Variants in CAD observed in about 807,000 individuals in gnomAD.
The protein encoded by CAD is multifunctional protein CAD.
Under a neutral mutation model 237.2 loss-of-function variants are expected in CAD, and 81 were observed. The ratio of observed to expected loss-of-function variants is 0.34; its 90% CI spans 0.29 to 0.41. The LOEUF is 0.41. Ranked by LOEUF, CAD falls within the 10% of genes least tolerant of loss-of-function variation. The pLI, the probability that CAD is intolerant of heterozygous loss-of-function variation, is 1.00. For synonymous variants in CAD, 1,196 were observed against 1,162.8 expected, an observed-to-expected ratio of 1.03 and a Z score of -0.58; for missense variants, 2,181 against 2,951.7, an observed-to-expected ratio of 0.74 and a Z score of 6.05.
rs1307069866 is a variant in CAD, at chr2:27,236,419, C to T, written c.4210C>T (p.Arg1404Cys). Residue 1404 changes from arginine (R) to cysteine (C), a missense_variant, in exon 26 of 44, where the codon CGT becomes TGT. Around this residue, in one of 12 missense-constraint regions of CAD, gnomAD observed 306 missense variants for 607.9 expected, o/e 0.50. Coordinates refer to ENST00000264705, the MANE Select transcript of CAD (RefSeq NM_004341.5). The surrounding 1 kb of genome is among the most constrained non-coding windows in gnomAD (Gnocchi z 4.1). ...GTCAATGCGTGGAGCTGGGGGCCGG[C>T]GTCTCTCTTCCTTTGTCACCAAGGG... ...NLSMRGAGGR[R>C]LSSFVTKGYR... The T allele has an allele frequency of 6.2e-7, 1 of 1,614,162 alleles. No homozygotes were observed. Among genetic ancestry groups the T allele is most frequent in the Non-Finnish European group, 8.5e-7 (1 of 1,180,026 alleles).
chr2:27,241,866 G>C lies in CAD; in HGVS notation c.5884-45G>C, dbSNP rs1275381072. On this transcript the variant is annotated intron_variant, in intron 38 of 43. Coordinates refer to ENST00000264705, the MANE Select transcript of CAD (RefSeq NM_004341.5). The surrounding 1 kb of genome is among the most constrained non-coding windows in gnomAD (Gnocchi z 4.6). ...GTGGTGCCTAGCTGGGGTTTCCCCA[G>C]GGTGGACACGCATACGTACACCTTC... 1 of 1,528,186 alleles carries C rather than the reference G, an allele frequency of 6.5e-7. No homozygotes were observed. Among genetic ancestry groups the C allele is most frequent in the Non-Finnish European group, 9.0e-7 (1 of 1,107,244 alleles). The allele number at this position is 1,528,186 out of a possible 1,614,324, so 94.7% of individuals were successfully genotyped here. A position where few individuals can be genotyped will look rare whatever the true frequency, so the allele number is the denominator to read the frequency against.
chr2:27,222,807 A>C (rs1397610646), intron 5 of CAD, 59 bp from the exon 6 acceptor site: 3 of 1,587,864 alleles, frequency 1.9e-6, no homozygotes, highest in Non-Finnish European at 1.7e-6. Flanking sequence ...GGGGGGCTGC[A>C]GGTGTGTCTC....
Position 27,235,638 on chromosome 2 carries a change from A to G in CAD, c.4072A>G (p.Lys1358Glu). 6.2e-7 allele frequency: 1 copy of G among 1,613,832 alleles called. No individual in the cohort carries two copies. Among genetic ancestry groups the G allele is most frequent in the Non-Finnish European group, 8.5e-7 (1 of 1,179,736 alleles). The change falls in exon 25 of 44, where the codon AAG (lysine) becomes GAG (glutamate). Residue 1358 changes from lysine (K) to glutamate (E), a missense_variant and splice_region_variant. By Grantham distance (56) the Lys-to-Glu change is moderately conservative. Transcript: ENST00000264705. This position sits in a 1 kb window ranked among gnomAD's most constrained non-coding sequence, Gnocchi z 5.2. ...TGACTTCTACACTGAGCATGGCGTCAAGGTGCAGGAACTCTGGCAACCTAC... is the reference window on the plus strand; with the variant it reads ...TGACTTCTACACTGAGCATGGCGTCGAGGTGCAGGAACTCTGGCAACCTAC... The part of the protein sequence containing the change: ...TADFYTEHGV[K>E]VTAVDWHFEE...
Position 27,231,598 on chromosome 2 carries a change from C to T in CAD, c.2400+18C>T. 1.4e-6 allele frequency: 2 copies of T among 1,441,158 alleles called. No homozygotes were observed. Among genetic ancestry groups the T allele is most frequent in the Non-Finnish European group, 2.0e-6 (2 of 1,023,014 alleles). The allele number at this position is 1,441,158 out of a possible 1,614,324, so 89.3% of individuals were successfully genotyped here. On this transcript the variant is annotated intron_variant, in intron 16 of 43. Coordinates refer to ENST00000264705, the MANE Select transcript of CAD (RefSeq NM_004341.5). Reference sequence around the variant, plus strand: ...GCGATATGGTAAGTAGCTCCCCTCCCCTGGCAATACCCCTAAAATAGACCC... The same window carrying T: ...GCGATATGGTAAGTAGCTCCCCTCCTCTGGCAATACCCCTAAAATAGACCC...
At position 27,239,930 on chromosome 2, in the gene CAD, G is replaced by T. The variant is rs1676218399; in HGVS notation, c.5496+132G>T. The T allele has an allele frequency of 2.9e-6, 2 of 689,676 alleles. No individual in the cohort carries two copies. The highest frequency in any genetic ancestry group is 2.4e-6 in the Non-Finnish European group (1 of 425,470). 42.7% of individuals were successfully genotyped at this position (689,676 alleles called of 1,614,324 possible). On this transcript the variant is annotated intron_variant, in intron 34 of 43. Transcript: ENST00000264705. This position sits in a 1 kb window ranked among gnomAD's most constrained non-coding sequence, Gnocchi z 4.0. ...GGGACTGAATTTGAAGTGGGGTTGGGTCAATTATTTTTTTAAAATGCTGGG... is the reference window on the plus strand; with the variant it reads ...GGGACTGAATTTGAAGTGGGGTTGGTTCAATTATTTTTTTAAAATGCTGGG...
Position 27,223,686 on chromosome 2 carries a change from C to G in CAD, c.933C>G (p.Leu311=), listed in dbSNP as rs1481426646. 1.4e-5 allele frequency: 23 copies of G among 1,614,206 alleles called. No homozygotes were observed. Among genetic ancestry groups the G allele is most frequent in the Non-Finnish European group, 1.9e-5 (23 of 1,180,038 alleles). ...TDSLPADWAP[L]FTNANDGSNE... is the part of the protein sequence containing the mutation. ...CACTGCCAGCAGACTGGGCTCCTCT[C>G]TTCACCAACGCCAATGATGGTTCCA... The change falls in exon 7 of 44, where the codon CTC becomes CTG. Residue 311 remains leucine (L), a synonymous_variant. Transcript: ENST00000264705.
Position 27,234,649 on chromosome 2 carries a change from G to A in CAD, c.3750G>A (p.Val1250=). 1 of 1,614,132 alleles carries A rather than the reference G, an allele frequency of 6.2e-7. No individual in the cohort carries two copies. Among genetic ancestry groups the A allele is most frequent in the East Asian group, 2.2e-5 (1 of 44,882 alleles). The part of the protein sequence containing the change: ...RVIMGEEVEP[V]GLMTGSGVVG... ...TCATGGGGGAAGAAGTGGAACCTGTGGGGCTAATGACTGGTTCTGGAGTCG... is the reference window on the plus strand; with the variant it reads ...TCATGGGGGAAGAAGTGGAACCTGTAGGGCTAATGACTGGTTCTGGAGTCG... The change falls in exon 23 of 44, where the codon GTG becomes GTA. Residue 1250 remains valine, a synonymous_variant. Transcript: ENST00000264705.
At chr2:27,231,878 C>T in intron 16 of CAD, 102 bp from the exon 17 acceptor site, 8 of 1,411,672 alleles carry the variant, frequency 5.7e-6, no homozygotes, top group South Asian at 5.1e-5. Flanking sequence ...AGCCTGTGCT[C>T]TGGTGTACAG....
At chr2:27,222,772 T>C in intron 5 of CAD, 94 bp from the exon 6 acceptor site, 1 of 1,573,416 alleles carries the variant, frequency 6.4e-7, no homozygotes, top group Non-Finnish European at 8.7e-7. Flanking sequence ...AGATAGACAT[T>C]GGGACTTAAC....
At chr2:27,231,655 T>C in intron 16 of CAD, 75 bp downstream of exon 16, 1 of 901,340 alleles carries the variant, frequency 1.1e-6, no homozygotes, top group Admixed American at 2.1e-5. Flanking sequence ...CATGAGCTTG[T>C]TACCAGTAAC....
Position 27,231,982 on chromosome 2 carries a change from G to A in CAD, c.2403G>A (p.Glu801=). Residue 801 remains glutamate (E), a splice_region_variant and synonymous_variant, in exon 17 of 44, where the codon GAG becomes GAA. Coordinates refer to ENST00000264705, the MANE Select transcript of CAD (RefSeq NM_004341.5). ...DHTVKPVSDM[E]LETPTDKRIF... is the part of the protein sequence containing the mutation. The stretch of plus-strand genomic sequence containing the variant: ...TCTGTCTACCCCCTTTCTATCAGGA[G>A]TTGGAGACTCCAACAGATAAGCGGA... 1.2e-6 allele frequency: 2 copies of A among 1,614,234 alleles called. No individual in the cohort carries two copies. The highest frequency in any genetic ancestry group is 1.7e-6 in the Non-Finnish European group (2 of 1,180,044).
Position 27,237,978 on chromosome 2 carries a change from A to C in CAD, c.4729-78A>C. 1.3e-6 allele frequency: 2 copies of C among 1,584,172 alleles called. No homozygotes were observed. The highest frequency in any genetic ancestry group is 1.7e-6 in the Non-Finnish European group (2 of 1,162,024). On this transcript the variant is annotated intron_variant, in intron 29 of 43. Coordinates refer to ENST00000264705, the MANE Select transcript of CAD (RefSeq NM_004341.5). The surrounding 1 kb of genome is among the most constrained non-coding windows in gnomAD (Gnocchi z 4.0). ...GCTGGTAGCAGTGAGGATTCAGGGG[A>C]GCTCCTGGGGACTCTGGGCTCTGAT...
chr2:27,231,731 A>G (rs1317128630), intron 16 of CAD, 151 bp downstream of exon 16: 1 of 668,986 alleles, frequency 1.5e-6, no homozygotes. Flanking sequence ...GAGATGTCTC[A>G]TTAGCACGCA....
chr2:27,224,215 T>C, intron 8 of CAD, 130 bp from the exon 9 acceptor site: 1 of 1,059,226 alleles, frequency 9.4e-7, no homozygotes, highest in Non-Finnish European at 1.4e-6. Context: ...TCCTGGGTTC[T>C]GGTCCTCCCT....
rs146560015 is a variant in CAD, at chr2:27,232,406, C to T, written c.2646-42C>T. The T allele has an allele frequency of 9.3e-6, 15 of 1,612,174 alleles. No homozygotes were observed. In the East Asian group the frequency reaches 3.3e-4, roughly 36 times the overall value. On this transcript the variant is annotated intron_variant, in intron 17 of 43. Transcript: ENST00000264705. This position sits in a 1 kb window ranked among gnomAD's most constrained non-coding sequence, Gnocchi z 4.1. ...TCTCAACCCTCTATCAGTCTGTACCCTACTCTCTGGGCCTGTGTTTCAGAC... is the reference window on the plus strand; with the variant it reads ...TCTCAACCCTCTATCAGTCTGTACCTTACTCTCTGGGCCTGTGTTTCAGAC...
At position 27,242,776 on chromosome 2, in the gene CAD, G is replaced by T. The variant is rs1247948601; in HGVS notation, c.6378+1G>T. On this transcript the variant is annotated splice_donor_variant, in intron 41 of 43. Coordinates refer to ENST00000264705, the MANE Select transcript of CAD (RefSeq NM_004341.5). LOFTEE classifies it high-confidence loss of function. The surrounding 1 kb of genome is among the most constrained non-coding windows in gnomAD (Gnocchi z 6.4). The stretch of plus-strand genomic sequence containing the variant: ...CGTGGCCTCCCGCGGCACCAAGCAG[G>T]TGAGACCCTCACAGCCCTGCCTGGA... The T allele has an allele frequency of 1.9e-6, 3 of 1,614,226 alleles. No individual in the cohort carries two copies. The highest frequency in any genetic ancestry group is 2.5e-6 in the Non-Finnish European group (3 of 1,180,050).
chr2:27,238,628 C>G lies in CAD; in HGVS notation c.5058C>G (p.Asp1686Glu), dbSNP rs61757649. 3.1e-6 allele frequency: 5 copies of G among 1,608,244 alleles called. No individual in the cohort carries two copies. The highest frequency in any genetic ancestry group is 4.2e-6 in the Non-Finnish European group (5 of 1,177,300). Residue 1686 changes from aspartate (D) to glutamate (E), a missense_variant, in exon 31 of 44, where the codon GAC becomes GAG. This residue lies in a region of CAD where 478 missense variants were observed against 515.0 expected (regional missense o/e 0.93). Coordinates refer to ENST00000264705, the MANE Select transcript of CAD (RefSeq NM_004341.5). ...NMAVIDCFAS[D>E]HAPHTLEEKC... ...CTGTCATCGACTGCTTTGCCTCAGA[C>G]CATGGTGAGAGAATCCAGCATGTAC...
chr2:27,238,503 C>G lies in CAD; in HGVS notation c.4933C>G (p.Leu1645Val). Residue 1645 changes from leucine to valine, a missense_variant, in exon 31 of 44, where the codon CTA becomes GTA. Around this residue, in one of 12 missense-constraint regions of CAD, gnomAD observed 478 missense variants for 515.0 expected, o/e 0.93. Transcript: ENST00000264705. ...TCEVAPHHLFLSHDDLERLGP... is the reference protein window; with the variant it reads ...TCEVAPHHLFVSHDDLERLGP... The stretch of plus-strand genomic sequence containing the variant: ...CGAGGTGGCTCCCCACCACCTGTTC[C>G]TAAGCCATGATGACCTGGAGCGCCT... 1 of 1,613,178 alleles carries G rather than the reference C, an allele frequency of 6.2e-7. No homozygotes were observed. Among genetic ancestry groups the G allele is most frequent in the Non-Finnish European group, 8.5e-7 (1 of 1,179,578 alleles).
At chr2:27,227,058 G>C (rs2148068052) in intron 15 of CAD, 96 bp downstream of exon 15, 1 of 1,045,574 alleles carries the variant, frequency 9.6e-7, no homozygotes, top group East Asian at 2.4e-5. Flanking sequence ...ACGTCCTATG[G>C]GAGCAGGTGC....
Sources: gnomAD v4.1 joint callset for allele counts on GRCh38, gnomAD v4.1.1 for gene constraint, gnomAD v4.1.1 regional missense constraint, Gnocchi (gnomAD v3.1) non-coding constraint, MANE v1.5 for transcripts, NCBI Gene and HGNC (gene_info 2026-07-23, HGNC 2026-07-21) for gene names.